Variants in ZSCAN25 observed in about 807,000 individuals in gnomAD.
ZSCAN25 encodes the protein zinc finger and SCAN domain-containing protein 25.
In ZSCAN25, 27 loss-of-function variants were observed where a neutral mutation model predicts 38.7. The ratio of observed to expected loss-of-function variants is 0.70; its 90% CI spans 0.51 to 0.96. The LOEUF (loss-of-function observed/expected upper bound fraction) is 0.96, where lower values mean the gene tolerates loss of function less well. Among genes scored for constraint, ZSCAN25 ranks in the 40% least tolerant of loss-of-function variants. ZSCAN25 has a pLI of 0.00. For missense variants in ZSCAN25, 637 were observed against 705.9 expected, an observed-to-expected ratio of 0.90 and a Z score of 1.11; for synonymous variants, 273 against 277.7, an observed-to-expected ratio of 0.98 and a Z score of 0.17.
chr7:99,618,993 T>C (rs1329517496), intron 2 of ZSCAN25, 55 bp from the exon 3 acceptor site: 1 of 152,336 alleles, frequency 6.6e-6, no homozygotes, highest in African/African-American at 2.4e-5. Context: ...TAGAAAAGCC[T>C]TCTTCAAGTC....
chr7:99,735,346 C>T, the ZSCAN25 span: 4 of 543,004 alleles, frequency 7.4e-6, no homozygotes, highest in Non-Finnish European at 1.3e-5. Context: ...ACACCACTCA[C>T]TGACCTCCAT....
the ZSCAN25 span, among the ~76,000 whole-genome samples, chr7:99,682,958 G>A: frequency 6.6e-6 from 1 of 152,034 alleles, no homozygotes; most frequent in South Asian, 2.1e-4. Context: ...TTTGTATGTT[G>A]ATTTTGTATC....
the ZSCAN25 span, among the ~76,000 whole-genome samples, chr7:99,711,780 A>AG: frequency 1.5e-5 from 1 of 67,726 alleles, no homozygotes; most frequent in Non-Finnish European, 6.1e-5. Flanking sequence ...AAAACAAAAC[A>AG]AAACAACAAC....
At chr7:99,648,089 C>T in the ZSCAN25 span, 48 of 1,153,270 alleles carry the variant, frequency 4.2e-5, no homozygotes, top group South Asian at 1.7e-3. Flanking sequence ...GTCTACCTAT[C>T]TGTCACTTAC....
At chr7:99,653,450 C>CTCAAAT in the ZSCAN25 span, among the ~76,000 whole-genome samples, 3 of 145,494 alleles carry the variant, frequency 2.1e-5, no homozygotes, top group Non-Finnish European at 3.0e-5. This position sits in a 1 kb window ranked among gnomAD's most constrained non-coding sequence, Gnocchi z 4.2. Context: ...GACCCTGTCT[C>CTCAAAT]AAATAAATAA....
At position 99,632,093 on chromosome 7, in the gene ZSCAN25, G is replaced by A. The variant is rs1016035412; in HGVS notation, c.*2073G>A. 1 of 985,398 alleles carries A rather than the reference G, an allele frequency of 1.0e-6. No individual in the cohort carries two copies. Among genetic ancestry groups the A allele is most frequent in the Non-Finnish European group, 1.2e-6 (1 of 829,958 alleles). 61.0% of individuals were successfully genotyped at this position (985,398 alleles called of 1,614,324 possible). ...TGTCATACACAGCCAGCATTCCTCT[G>A]GGTTTCAGCAAGTTGGCATATCTTA... On this transcript the variant is annotated 3_prime_UTR_variant, in exon 8 of 8. Transcript: ENST00000394152.
the ZSCAN25 span, among the ~76,000 whole-genome samples, chr7:99,646,626 T>G: frequency 6.6e-6 from 1 of 152,222 alleles, no homozygotes; most frequent in Non-Finnish European, 1.5e-5. Context: ...TGGGCTCATC[T>G]TGAACATTTT....
At chr7:99,702,486 C>T in the ZSCAN25 span, among the ~76,000 whole-genome samples, 5 of 152,240 alleles carry the variant, frequency 3.3e-5, no homozygotes, top group South Asian at 6.2e-4. Context: ...TCCAGCTTTC[C>T]CAGCACCAGA....
the ZSCAN25 span, chr7:99,663,902 T>C: frequency 3.3e-6 from 5 of 1,522,546 alleles, no homozygotes; most frequent in Non-Finnish European, 4.4e-6. Flanking sequence ...ACATGCTCTA[T>C]CATGTGTATA....
the ZSCAN25 span, among the ~76,000 whole-genome samples, chr7:99,727,949 C>T: frequency 1.3e-5 from 2 of 152,338 alleles, no homozygotes; most frequent in African/African-American, 4.8e-5. Context: ...CCAAAAAAAG[C>T]TGGAGTCATT....
downstream of ZSCAN25, among the ~76,000 whole-genome samples, chr7:99,636,100 C>T (rs1248409746): frequency 2.6e-5 from 4 of 151,182 alleles, no homozygotes; most frequent in African/African-American, 9.7e-5. Context: ...AAGTTTCCTC[C>T]GGTTTAGGCA....
chr7:99,626,654 A>C (rs1214453759), intron 7 of ZSCAN25, among the ~76,000 whole-genome samples: 1 of 152,190 alleles, frequency 6.6e-6, no homozygotes, highest in African/African-American at 2.4e-5. Context: ...CCTAAGAGGG[A>C]GGAAGAATGG....
chr7:99,713,386 T>TG, the ZSCAN25 span: 6 of 1,590,974 alleles, frequency 3.8e-6, no homozygotes, highest in Non-Finnish European at 5.2e-6. Context: ...CTCATCTACC[T>TG]GGAATACTTC....
At chr7:99,727,794 A>T in the ZSCAN25 span, among the ~76,000 whole-genome samples, 4 of 152,176 alleles carry the variant, frequency 2.6e-5, no homozygotes, top group Non-Finnish European at 5.9e-5. Flanking sequence ...GGGACTACAC[A>T]TCAATATTTA....
At chr7:99,665,027 T>A in the ZSCAN25 span, 5 of 853,116 alleles carry the variant, frequency 5.9e-6, no homozygotes, top group Non-Finnish European at 8.8e-6. Context: ...TTTACAATAG[T>A]AATGGTCATA....
the ZSCAN25 span, among the ~76,000 whole-genome samples, chr7:99,731,317 G>A: frequency 1.3e-5 from 2 of 152,244 alleles, no homozygotes; most frequent in East Asian, 3.9e-4. Flanking sequence ...TGTTCATCAG[G>A]TCCTTTCATG....
the ZSCAN25 span, chr7:99,666,854 A>T: frequency 1.0e-5 from 16 of 1,584,754 alleles, no homozygotes; most frequent in Non-Finnish European, 1.4e-5. Flanking sequence ...GCTCGAACTC[A>T]GTGGACTACC....
chr7:99,678,411 C>A, the ZSCAN25 span, among the ~76,000 whole-genome samples: 1 of 152,194 alleles, frequency 6.6e-6, no homozygotes, highest in Non-Finnish European at 1.5e-5. Flanking sequence ...TTGCTTACTC[C>A]CCTGTCCTGA....
At chr7:99,676,954 A>G in the ZSCAN25 span, among the ~76,000 whole-genome samples, 2 of 152,154 alleles carry the variant, frequency 1.3e-5, no homozygotes, top group Non-Finnish European at 1.5e-5. Flanking sequence ...ATGTCCTTGA[A>G]TGATTGTGTG....
Sources: allele counts gnomAD v4.1 joint callset (sites outside exome capture counted in the v4.1 genomes callset), GRCh38; gene constraint gnomAD v4.1.1; non-coding constraint Gnocchi (gnomAD v3.1); transcripts MANE v1.5; gene names NCBI Gene and HGNC (gene_info 2026-07-23, HGNC 2026-07-21).